MBD5: variants seen among roughly 807,000 people sequenced by gnomAD.
MBD5 encodes the protein methyl-CpG binding domain protein 5.
MBD5 carries 13 observed loss-of-function variants against 117.3 expected under a neutral mutation model. That is an observed-to-expected ratio of 0.11 (90% CI 0.07 to 0.18). MBD5 has a LOEUF of 0.18. Among genes scored for constraint, MBD5 ranks in the 10% least tolerant of loss-of-function variants. The pLI is 1.00. For synonymous variants in MBD5, 727 were observed against 766.4 expected (o/e 0.95, Z 0.85); for missense variants, 1,879 against 2,093.8 (o/e 0.90, Z 2.00).
rs57146179 is a variant in MBD5, at chr2:148,266,425, GA to G, written c.-680+33037del. On this transcript the variant is annotated intron_variant, in intron 3 of 13. Coordinates refer to ENST00000642680, the MANE Select transcript of MBD5 (RefSeq NM_001378120.1). ...GATAAAAAGCATTTACAAAAAATAAGAAAAAAATTTTAAGAATAGCAAGCAT... is the reference window on the plus strand; with the variant it reads ...GATAAAAAGCATTTACAAAAAATAAGAAAAAATTTTAAGAATAGCAAGCAT... Among the ~76,000 whole-genome samples, 852 of 151,878 alleles carry G rather than the reference GA, an allele frequency of 5.6e-3. 11 individuals are homozygous for G. Among genetic ancestry groups the G allele is most frequent in the African/African-American group, 0.02 (824 of 41,458 alleles).
intron 3 of MBD5, among the ~76,000 whole-genome samples, chr2:148,242,162 C>T (rs553468582): frequency 1.1e-4 from 16 of 152,050 alleles, no homozygotes; most frequent in East Asian, 7.7e-4. Flanking sequence ...TGAAAATATA[C>T]GTAAAGCATG....
intron 3 of MBD5, among the ~76,000 whole-genome samples, chr2:148,321,316 A>G (rs1702276181): frequency 6.6e-6 from 1 of 152,226 alleles, no homozygotes; most frequent in African/African-American, 2.4e-5. Flanking sequence ...ACTAAAAAAA[A>G]AAATTGCCAA....
chr2:148,403,204 G>A (rs1373243585), intron 4 of MBD5, among the ~76,000 whole-genome samples: 2 of 150,480 alleles, frequency 1.3e-5, no homozygotes, highest in African/African-American at 2.4e-5. Flanking sequence ...TTTTGAGACA[G>A]GGTCTCACTC....
At chr2:148,426,675 G>A (rs1705801725) in intron 4 of MBD5, among the ~76,000 whole-genome samples, 1 of 152,140 alleles carries the variant, frequency 6.6e-6, no homozygotes, top group East Asian at 1.9e-4. Context: ...AGACTTACAT[G>A]TTAGACCTAA....
At chr2:148,358,050 T>C (rs941633708) in intron 4 of MBD5, among the ~76,000 whole-genome samples, 1 of 152,160 alleles carries the variant, frequency 6.6e-6, no homozygotes, top group Admixed American at 6.5e-5. Flanking sequence ...CACATTAATA[T>C]ATTGAAATCT....
At position 148,336,547 on chromosome 2, in the gene MBD5, C is replaced by T. The variant is rs149768319; in HGVS notation, c.-679-5667C>T. Among the ~76,000 whole-genome samples, 235 of 152,116 alleles carry T rather than the reference C, an allele frequency of 1.5e-3. 1 individual carries two copies. Among genetic ancestry groups the T allele is most frequent in the African/African-American group, 3.3e-3 (136 of 41,512 alleles). On this transcript the variant is annotated intron_variant, in intron 3 of 13. Coordinates refer to ENST00000642680, the MANE Select transcript of MBD5 (RefSeq NM_001378120.1). ...GACTACCAGCATGCACCACCACACG[C>T]GGCAAATTTTTGTATTTTTGGTAGA... is the stretch of plus-strand genomic sequence containing the variant.
At chr2:148,343,763 G>T (rs1410538999) in intron 4 of MBD5, among the ~76,000 whole-genome samples, 1 of 151,994 alleles carries the variant, frequency 6.6e-6, no homozygotes, top group Non-Finnish European at 1.5e-5. Context: ...TGGATTGTCT[G>T]TTTACTTTGT....
intron 3 of MBD5, among the ~76,000 whole-genome samples, chr2:148,339,122 T>G (rs1375005334): frequency 1.3e-5 from 2 of 152,126 alleles, no homozygotes; most frequent in African/African-American, 4.8e-5. Flanking sequence ...CTGTGATGAC[T>G]GTGTTAAAAT....
At chr2:148,340,366 C>A (rs1195229239) in intron 3 of MBD5, among the ~76,000 whole-genome samples, 1 of 152,010 alleles carries the variant, frequency 6.6e-6, no homozygotes, top group Non-Finnish European at 1.5e-5. Flanking sequence ...GCTAAATATT[C>A]TTTGCAAAAA....
At chr2:148,048,627 A>G (rs905068705) in intron 1 of MBD5, among the ~76,000 whole-genome samples, 17 of 152,160 alleles carry the variant, frequency 1.1e-4, no homozygotes, top group Non-Finnish European at 2.4e-4. Context: ...GAGAAGAGTA[A>G]GGCTTTCCAG....
chr2:148,248,742 T>A (rs1700400119), intron 3 of MBD5, among the ~76,000 whole-genome samples: 1 of 152,096 alleles, frequency 6.6e-6, no homozygotes, highest in Non-Finnish European at 1.5e-5. Flanking sequence ...AAGGTTAATA[T>A]AACGCTTTAG....
rs138639760 is a variant in MBD5 at position 148,470,105 on chromosome 2, C to T, written c.2162C>T (p.Pro721Leu). ...QSSHLSSNST[P>L]GCGASNTALP... Reference sequence around the variant, plus strand: ...TCTCACTTGAGTAGCAATAGTACCCCGGGTTGTGGGGCCTCAAATACTGCT... The same window carrying T: ...TCTCACTTGAGTAGCAATAGTACCCTGGGTTGTGGGGCCTCAAATACTGCT... The change falls in exon 8 of 14, where the codon CCG (proline) becomes CTG (leucine). Residue 721 changes from proline to leucine, a missense_variant. Physicochemically the swap from Pro to Leu is moderately conservative, Grantham distance 98. Around this residue, in one of 4 missense-constraint regions of MBD5, gnomAD observed 1,666 missense variants for 1,792.2 expected, o/e 0.93. Transcript: ENST00000642680. 2.1e-4 allele frequency: 336 copies of T among 1,613,818 alleles called. No individual in the cohort carries two copies. The highest frequency in any genetic ancestry group is 2.5e-4 in the Non-Finnish European group (293 of 1,179,878).
At chr2:148,233,939 A>G (rs528716725) in intron 3 of MBD5, among the ~76,000 whole-genome samples, 45 of 152,282 alleles carry the variant, frequency 3.0e-4, no homozygotes, top group Non-Finnish European at 5.4e-4. Context: ...GCATCAAAAT[A>G]TTTCATTGAA....
At chr2:148,324,084 A>G (rs909026260) in intron 3 of MBD5, among the ~76,000 whole-genome samples, 17 of 152,166 alleles carry the variant, frequency 1.1e-4, no homozygotes, top group Non-Finnish European at 1.8e-4. Flanking sequence ...TCCCAGCACC[A>G]TTTATTAAAT....
chr2:148,051,154 C>G (rs1423728331), intron 1 of MBD5, among the ~76,000 whole-genome samples: 1 of 152,038 alleles, frequency 6.6e-6, no homozygotes, highest in Non-Finnish European at 1.5e-5. Flanking sequence ...TAAATTTATT[C>G]TTAAGTATTT....
At chr2:148,345,201 C>T (rs72857679) in intron 4 of MBD5, among the ~76,000 whole-genome samples, 32,485 of 127,300 alleles carry the variant, frequency 0.26, 4,135 homozygotes, top group East Asian at 0.58. Context: ...TGTGTATATA[C>T]GTATATATGT....
intron 1 of MBD5, among the ~76,000 whole-genome samples, chr2:148,154,048 GT>G (rs1052490179): frequency 1.1e-5 from 1 of 91,334 alleles, no homozygotes; most frequent in African/African-American, 3.6e-5. Context: ...TTTCTGTTCT[GT>G]TTTTTCCCCA....
chr2:148,402,420 G>A (rs907788538), intron 4 of MBD5, among the ~76,000 whole-genome samples: 1 of 151,982 alleles, frequency 6.6e-6, no homozygotes, highest in African/African-American at 2.4e-5. Context: ...TATTTAAAGA[G>A]TGCATTTTTA....
intron 1 of MBD5, among the ~76,000 whole-genome samples, chr2:148,061,472 C>T (rs1311983544): frequency 6.6e-6 from 1 of 151,816 alleles, no homozygotes; most frequent in Non-Finnish European, 1.5e-5. Flanking sequence ...GTTTTTCTTA[C>T]TCATTGAAAA....
Sources: gnomAD v4.1 joint callset for allele counts (sites outside exome capture counted in the v4.1 genomes callset) on GRCh38, gnomAD v4.1.1 for gene constraint, gnomAD v4.1.1 regional missense constraint, MANE v1.5 for transcripts, NCBI Gene and HGNC (gene_info 2026-07-23, HGNC 2026-07-21) for gene names.